The following ITIH2 variants were observed in gnomAD, a reference collection of about 807,000 sequenced individuals.
The protein encoded by ITIH2 is inter-alpha-trypsin inhibitor heavy chain 2.
In ITIH2, 103 loss-of-function variants were observed where a neutral mutation model predicts 104.4. That is an observed-to-expected ratio of 0.99 (90% CI 0.84 to 1.16). The LOEUF (loss-of-function observed/expected upper bound fraction) is 1.16. Among genes scored for constraint, ITIH2 ranks in the 50% most tolerant of loss-of-function variants. ITIH2 has a pLI of 0.00. For missense variants in ITIH2, 1,108 were observed against 1,162.4 expected (o/e 0.95, Z 0.68); for synonymous variants, 436 against 435.4 (o/e 1.00, Z -0.02).
chr10:7,710,117 G>T (rs1834783826), intron 4 of ITIH2, among the ~76,000 whole-genome samples: 1 of 152,252 alleles, frequency 6.6e-6, no homozygotes, highest in Non-Finnish European at 1.5e-5. Flanking sequence ...CTCCCAAAGT[G>T]TTGGGATTAC....
At chr10:7,712,784 A>C (rs181315153) in intron 4 of ITIH2, among the ~76,000 whole-genome samples, 18 of 152,270 alleles carry the variant, frequency 1.2e-4, no homozygotes, top group African/African-American at 4.3e-4. Context: ...TCATTAAATT[A>C]GCCTTGTTGG....
intron 5 of ITIH2, among the ~76,000 whole-genome samples, chr10:7,714,491 A>C (rs1834829244): frequency 6.6e-6 from 1 of 152,082 alleles, no homozygotes; most frequent in South Asian, 2.1e-4. Context: ...TATTAGGCCA[A>C]ATGCTGCCGT....
intron 16 of ITIH2, among the ~76,000 whole-genome samples, chr10:7,742,704 A>G (rs1835138513): frequency 1.3e-5 from 2 of 152,312 alleles, no homozygotes; most frequent in East Asian, 3.9e-4. Flanking sequence ...TGATTGCAAC[A>G]TTGCACTCCA....
At chr10:7,726,551 C>G (rs1834952758) in intron 9 of ITIH2, among the ~76,000 whole-genome samples, 1 of 152,128 alleles carries the variant, frequency 6.6e-6, no homozygotes, top group Non-Finnish European at 1.5e-5. Flanking sequence ...TCAAAATCAT[C>G]ACACGTAAGC....
intron 2 of ITIH2, among the ~76,000 whole-genome samples, chr10:7,706,774 G>T (rs1459190780): frequency 6.6e-6 from 1 of 152,122 alleles, no homozygotes; most frequent in Non-Finnish European, 1.5e-5. Flanking sequence ...TTCTCCATAT[G>T]GGGGTTGAGG....
chr10:7,729,954 G>T lies in ITIH2; in HGVS notation c.1282G>T (p.Glu428Ter), dbSNP rs377214728. ...CTTTCGGACATCACCAACTTTAGGCGAACTAAAACTGTCAAAAATTCAGAA... is the reference window on the plus strand; with the variant it reads ...CTTTCGGACATCACCAACTTTAGGCTAACTAAAACTGTCAAAAATTCAGAA... ...LVSDGDPTVGELKLSKIQKNV... is the reference protein window; with the variant it reads ...LVSDGDPTVG The change falls in exon 12 of 21, where the codon GAA becomes TAA. Residue 428 changes from glutamate to a stop codon, truncating the protein, a stop_gained and splice_region_variant. Transcript: ENST00000358415. LOFTEE classifies it high-confidence loss of function. 1.3e-6 allele frequency: 2 copies of T among 1,589,832 alleles called. No homozygotes were observed. Among genetic ancestry groups the T allele is most frequent in the Non-Finnish European group, 1.7e-6 (2 of 1,169,884 alleles).
chr10:7,744,242 C>T lies in ITIH2; in HGVS notation c.2370C>T (p.Ser790=). The T allele has an allele frequency of 6.2e-7, 1 of 1,614,132 alleles. No individual in the cohort carries two copies. Among genetic ancestry groups the T allele is most frequent in the South Asian group, 1.1e-5 (1 of 91,076 alleles). The change falls in exon 18 of 21, where the codon TCC becomes TCT. Residue 790 remains serine, a synonymous_variant. Transcript: ENST00000358415. ...TGAGCCATGGTTCTAGCACATTCTC[C>T]TTGTCCTGGTCCGACACGGCTCAAG... ...ITLSHGSSTF[S]LSWSDTAQVT...
At chr10:7,715,277 T>C (rs892923638) in intron 5 of ITIH2, among the ~76,000 whole-genome samples, 3 of 151,952 alleles carry the variant, frequency 2.0e-5, no homozygotes, top group African/African-American at 7.3e-5. Flanking sequence ...GTAAATTAGC[T>C]GGGCGTGGTG....
chr10:7,743,278 A>G lies in ITIH2; in HGVS notation c.2209+19A>G, dbSNP rs886147500. 3.9e-6 allele frequency: 5 copies of G among 1,278,746 alleles called. No homozygotes were observed. The African/African-American group carries it at 5.9e-5, about 15-fold the overall frequency. 79.2% of individuals were successfully genotyped at this position (1,278,746 alleles called of 1,614,324 possible). A position where few individuals can be genotyped will look rare whatever the true frequency, so the allele number is the denominator to read the frequency against. The stretch of plus-strand genomic sequence containing the variant: ...GAATCAGGTAAAATAAAAATAAATT[A>G]TATTTGCACCAATTAGGTCATTGTC... On this transcript the variant is annotated intron_variant, in intron 17 of 20. Transcript: ENST00000358415.
intron 5 of ITIH2, among the ~76,000 whole-genome samples, chr10:7,717,154 A>G (rs2130944005): frequency 6.6e-6 from 1 of 152,114 alleles, no homozygotes; most frequent in East Asian, 1.9e-4. Flanking sequence ...GGGTTTCACC[A>G]TGTTGGCCAG....
At chr10:7,720,663 G>T (rs11255313) in intron 6 of ITIH2, among the ~76,000 whole-genome samples, 193 bp from the exon 7 acceptor site, 3,264 of 152,312 alleles carry the variant, frequency 0.021, 114 homozygotes, top group African/African-American at 0.074. Context: ...GTCGACAGAA[G>T]GGGGTTAAGC....
intron 2 of ITIH2, among the ~76,000 whole-genome samples, chr10:7,706,411 C>T (rs1352459305): frequency 1.3e-5 from 2 of 152,160 alleles, no homozygotes; most frequent in Admixed American, 6.5e-5. Context: ...GCAAGGGAAT[C>T]GCCTTTGTTC....
At chr10:7,717,902 A>G (rs7090433) in intron 6 of ITIH2, 114 bp downstream of exon 6, 284,476 of 1,012,648 alleles carry the variant, frequency 0.28, 43,264 homozygotes, top group African/African-American at 0.56. Flanking sequence ...ACTCAACTCT[A>G]CAAGACAGTG....
chr10:7,744,371 A>T (rs1262879358), intron 18 of ITIH2, 91 bp downstream of exon 18: 2 of 1,116,580 alleles, frequency 1.8e-6, no homozygotes, highest in African/African-American at 1.6e-5. Context: ...ATTGAAAAAA[A>T]ATCATCATTT....
chr10:7,749,373 T>C lies in ITIH2; in HGVS notation c.*39T>C, dbSNP rs1300109860. On this transcript the variant is annotated 3_prime_UTR_variant, in exon 21 of 21. Coordinates refer to ENST00000358415, the MANE Select transcript of ITIH2 (RefSeq NM_002216.3). ...GGGAAATTATATATATTAATATACA[T>C]CTTTCCCCTGTCACTTTTGCAGATA... 4.6e-6 allele frequency: 7 copies of C among 1,511,092 alleles called. No individual in the cohort carries two copies. The highest frequency in any genetic ancestry group is 6.4e-6 in the Non-Finnish European group (7 of 1,098,480). 93.6% of individuals were successfully genotyped at this position (1,511,092 alleles called of 1,614,324 possible). A position where few individuals can be genotyped will look rare whatever the true frequency, so the allele number is the denominator to read the frequency against.
At chr10:7,723,754 C>T (rs562081893) in intron 9 of ITIH2, among the ~76,000 whole-genome samples, 187 bp downstream of exon 9, 5 of 152,278 alleles carry the variant, frequency 3.3e-5, no homozygotes, top group Non-Finnish European at 4.4e-5. Context: ...CATACACCTC[C>T]GTCTTCTAAT....
rs533130134 is a variant in ITIH2 at position 7,712,446 on chromosome 10, C to T, written c.363-735C>T. On this transcript the variant is annotated intron_variant, in intron 4 of 20. Transcript: ENST00000358415. Reference sequence around the variant, plus strand: ...ATAAACATTCGGTCCATTGCATACCCCACAGCGATGCCAAATTCTTAGCTC... The same window carrying T: ...ATAAACATTCGGTCCATTGCATACCTCACAGCGATGCCAAATTCTTAGCTC... 4.1e-4 allele frequency among the ~76,000 whole-genome samples: 63 copies of T among 152,258 alleles called. 1 individual carries two copies. The highest frequency in any genetic ancestry group is 1.4e-3 in the African/African-American group (59 of 41,526).
chr10:7,707,445 G>A (rs1834758102), intron 3 of ITIH2, among the ~76,000 whole-genome samples: 1 of 151,904 alleles, frequency 6.6e-6, no homozygotes, highest in African/African-American at 2.4e-5. Flanking sequence ...AGCTGAAGGG[G>A]CCCTTCTCTT....
intron 6 of ITIH2, 143 bp downstream of exon 6, chr10:7,717,931 G>A (rs1834866413): frequency 1.2e-6 from 1 of 803,006 alleles, no homozygotes; most frequent in Non-Finnish European, 1.9e-6. Flanking sequence ...TGAAAAGATG[G>A]TGGGTTTGGA....
Sources: allele counts gnomAD v4.1 joint callset (sites outside exome capture counted in the v4.1 genomes callset), GRCh38; gene constraint gnomAD v4.1.1; transcripts MANE v1.5; gene names NCBI Gene and HGNC (gene_info 2026-07-23, HGNC 2026-07-21).